Variants in HEATR4 observed in about 807,000 individuals in gnomAD.
HEATR4 encodes HEAT repeat-containing protein 4.
In HEATR4, 95 loss-of-function variants were observed where a neutral mutation model predicts 108.8. The observed-to-expected ratio is 0.87, with a 90% CI of 0.74 to 1.04. The LOEUF is 1.04. HEATR4 is among the 50% of genes least tolerant of loss of function. HEATR4 has a pLI of 0.00. For missense variants in HEATR4, 1,152 were observed against 1,253.8 expected, an observed-to-expected ratio of 0.92 and a Z score of 1.23; for synonymous variants, 443 against 459.4, an observed-to-expected ratio of 0.96 and a Z score of 0.46.
At chr14:73,486,795 A>G (rs781324130) in intron 17 of HEATR4, among the ~76,000 whole-genome samples, 4 of 152,226 alleles carry the variant, frequency 2.6e-5, no homozygotes, top group Non-Finnish European at 4.4e-5. Flanking sequence ...AGTGACAATG[A>G]CTAATTCAAG....
At chr14:73,581,890 ACCT>A in the HEATR4 span, 1 of 67,410 alleles carries the variant, frequency 1.5e-5, no homozygotes, top group South Asian at 5.8e-4. Context: ...AGGGCTTCCC[ACCT>A]CCTGTTGCCC....
Position 73,541,708 on chromosome 14 carries a change from C to T in HEATR4, c.-151-11464G>A, listed in dbSNP as rs113062964. On this transcript the variant is annotated intron_variant, in intron 1 of 17. Coordinates refer to ENST00000553558, the MANE Select transcript of HEATR4 (RefSeq NM_001220484.1). Reference sequence around the variant, plus strand: ...CAGTCATCCTGAGGTGAGTTCTTCTCTCAGATTTATGGGCTATGATGTATC... The same window carrying T: ...CAGTCATCCTGAGGTGAGTTCTTCTTTCAGATTTATGGGCTATGATGTATC... 1,996 of 1,238,226 alleles carry T rather than the reference C, an allele frequency of 1.6e-3. 551 individuals are homozygous for T. In the African/African-American group the frequency reaches 0.029, roughly 18 times the overall value. 76.7% of individuals were successfully genotyped at this position (1,238,226 alleles called of 1,614,324 possible).
rs148022434 is a variant in HEATR4 at position 73,539,069 on chromosome 14, T to A, written c.-151-8825A>T. 2.4e-3 allele frequency among the ~76,000 whole-genome samples: 280 copies of A among 116,134 alleles called. 127 individuals are homozygous for A. In the East Asian group the frequency reaches 0.18, roughly 73 times the overall value. The allele number at this position is 116,134 out of a possible 152,430, so 76.2% of individuals were successfully genotyped here. On this transcript the variant is annotated intron_variant, in intron 1 of 17. Coordinates refer to ENST00000553558, the MANE Select transcript of HEATR4 (RefSeq NM_001220484.1). ...TGGACCAGGAAGTCACTTTTTTTTTTAATAAAAAGAATTCCAACTGGTTTT... is the reference window on the plus strand; with the variant it reads ...TGGACCAGGAAGTCACTTTTTTTTTAAATAAAAAGAATTCCAACTGGTTTT...
intron 17 of HEATR4, among the ~76,000 whole-genome samples, chr14:73,488,042 A>AGTAGG (rs1002744669): frequency 6.6e-6 from 1 of 152,100 alleles, no homozygotes; most frequent in African/African-American, 2.4e-5. Context: ...GTAGATTTTG[A>AGTAGG]GTAGGGTGAT....
At chr14:73,490,408 G>A (rs539315322) in intron 17 of HEATR4, among the ~76,000 whole-genome samples, 1 of 152,346 alleles carries the variant, frequency 6.6e-6, no homozygotes, top group Admixed American at 6.5e-5. Context: ...TCTGCCTCCC[G>A]GGTTCACGCC....
At chr14:73,524,054 G>A (rs1482655097) in intron 2 of HEATR4, among the ~76,000 whole-genome samples, 1 of 151,882 alleles carries the variant, frequency 6.6e-6, no homozygotes, top group Non-Finnish European at 1.5e-5. Flanking sequence ...ACTTTGGGAG[G>A]CCGAGGTGGG....
At chr14:73,568,514 G>A in the HEATR4 span, among the ~76,000 whole-genome samples, 257 of 151,966 alleles carry the variant, frequency 1.7e-3, no homozygotes, top group African/African-American at 5.8e-3. Flanking sequence ...GTGCAGTGAT[G>A]GTAAACTGCC....
intron 17 of HEATR4, among the ~76,000 whole-genome samples, chr14:73,479,423 C>CTT (rs1356539891): frequency 1.1e-5 from 1 of 88,810 alleles, no homozygotes; most frequent in African/African-American, 4.8e-5. Flanking sequence ...GTTTTTTTTT[C>CTT]TTTCTTTCTT....
At chr14:73,573,508 A>G in the HEATR4 span, 2 of 1,613,622 alleles carry the variant, frequency 1.2e-6, no homozygotes, top group South Asian at 2.2e-5. Flanking sequence ...TATTATAACT[A>G]TGAAGACCTC....
the HEATR4 span, among the ~76,000 whole-genome samples, chr14:73,622,463 T>C: frequency 3.3e-5 from 5 of 152,112 alleles, no homozygotes; most frequent in African/African-American, 1.2e-4. Flanking sequence ...AGTTCAGTGG[T>C]GCGATCTCGG....
chr14:73,598,755 C>T, the HEATR4 span, among the ~76,000 whole-genome samples: 3 of 152,130 alleles, frequency 2.0e-5, no homozygotes, highest in African/African-American at 7.2e-5. Context: ...GTAATCCCAG[C>T]ACTTCGAGAG....
chr14:73,524,310 A>AAAAAAAAAATATATATATATATAT, intron 2 of HEATR4, among the ~76,000 whole-genome samples: 3 of 54,784 alleles, frequency 5.5e-5, no homozygotes, highest in African/African-American at 8.8e-5. Flanking sequence ...AAAAAAAAAA[A>AAAAAAAAAATATATATATATATAT]ATATATATAT....
intron 17 of HEATR4, among the ~76,000 whole-genome samples, chr14:73,481,149 G>A (rs1205414939): frequency 3.9e-5 from 6 of 152,070 alleles, no homozygotes; most frequent in Admixed American, 3.9e-4. Flanking sequence ...CTCTTCAAAT[G>A]TGTATTGCTG....
At chr14:73,491,367 C>T in intron 17 of HEATR4, 3 of 1,370,288 alleles carry the variant, frequency 2.2e-6, no homozygotes, top group Non-Finnish European at 2.8e-6. Context: ...TCCCTGCAGA[C>T]CCCGTCGGCG....
the HEATR4 span, among the ~76,000 whole-genome samples, chr14:73,601,564 A>T: frequency 6.6e-6 from 1 of 152,246 alleles, no homozygotes; most frequent in Non-Finnish European, 1.5e-5. Flanking sequence ...ACTCTGTCTC[A>T]AAAAAGAACT....
chr14:73,610,175 C>T, the HEATR4 span, among the ~76,000 whole-genome samples: 1 of 152,074 alleles, frequency 6.6e-6, no homozygotes. Context: ...GGGTAGGCCA[C>T]AGCTCCAAGC....
intron 11 of HEATR4, among the ~76,000 whole-genome samples, chr14:73,502,664 C>G (rs61987096): frequency 0.044 from 6,636 of 152,248 alleles, 190 homozygotes; most frequent in Non-Finnish European, 0.069. Context: ...TCTCCTGTCT[C>G]AGCCTCCCGA....
chr14:73,592,133 C>T, the HEATR4 span: 3 of 1,569,360 alleles, frequency 1.9e-6, no homozygotes, highest in South Asian at 3.5e-5. Context: ...ACGCCCGCGG[C>T]GAGCTGGACC....
intron 2 of HEATR4, 126 bp from the exon 3 acceptor site, chr14:73,523,350 T>C (rs1258474498): frequency 5.4e-6 from 3 of 560,658 alleles, no homozygotes; most frequent in Non-Finnish European, 9.4e-6. Context: ...CCATGTGAGT[T>C]AGAAGAACAA....
Sources: allele counts gnomAD v4.1 joint callset (sites outside exome capture counted in the v4.1 genomes callset), GRCh38; gene constraint gnomAD v4.1.1; transcripts MANE v1.5; gene names NCBI Gene and HGNC (gene_info 2026-07-23, HGNC 2026-07-21).